PIK3CB: variants seen among roughly 807,000 people sequenced by gnomAD.
PIK3CB encodes phosphatidylinositol-4,5-bisphosphate 3-kinase catalytic subunit beta, also known as phosphatidylinositol 4,5-bisphosphate 3-kinase catalytic subunit beta isoform.
In PIK3CB, 39 loss-of-function variants were observed where a neutral mutation model predicts 136.8. That is an observed-to-expected ratio of 0.29 (90% CI 0.22 to 0.37). PIK3CB has a LOEUF of 0.37. Among genes scored for constraint, PIK3CB ranks in the 10% least tolerant of loss-of-function variants. The pLI, the probability that PIK3CB is intolerant of heterozygous loss-of-function variation, is 1.00. For missense variants in PIK3CB, 868 were observed against 1,275.4 expected (o/e 0.68, Z 4.87); for synonymous variants, 428 against 436.6 (o/e 0.98, Z 0.25).
chr3:138,724,436 T>C (rs1016122800), intron 8 of PIK3CB, among the ~76,000 whole-genome samples: 1 of 152,098 alleles, frequency 6.6e-6, no homozygotes, highest in African/African-American at 2.4e-5. Context: ...CAAATCCCAT[T>C]ATTTAGGGTT....
At chr3:138,663,791 C>A (rs2043350714) in intron 21 of PIK3CB, 115 bp downstream of exon 21, 2 of 1,016,464 alleles carry the variant, frequency 2.0e-6, no homozygotes, top group East Asian at 4.9e-5. Flanking sequence ...GAAGTAAAGA[C>A]AAAGATATGA....
intron 19 of PIK3CB, among the ~76,000 whole-genome samples, chr3:138,667,728 A>AT (rs958509248): frequency 7.2e-4 from 103 of 143,822 alleles, no homozygotes; most frequent in Admixed American, 1.0e-3. Context: ...TGTCTGGCTA[A>AT]TTTTTTTTTT....
intron 1 of PIK3CB, among the ~76,000 whole-genome samples, chr3:138,802,336 C>T (rs1372019399): frequency 1.3e-5 from 2 of 149,166 alleles, no homozygotes; most frequent in Non-Finnish European, 3.0e-5. Flanking sequence ...GCCGAGATCG[C>T]GCCATTGCAC....
At chr3:138,753,391 G>A (rs768826105) in intron 4 of PIK3CB, among the ~76,000 whole-genome samples, 5 of 151,504 alleles carry the variant, frequency 3.3e-5, no homozygotes, top group Non-Finnish European at 5.9e-5. Flanking sequence ...CATGGTGGCA[G>A]GTGCCTGTAA....
In PIK3CB at chr3:138,668,199, T is replaced by C. The variant is rs185785778; in HGVS notation, c.2505-2996A>G. On this transcript the variant is annotated intron_variant, in intron 19 of 23. Coordinates refer to ENST00000674063, the MANE Select transcript of PIK3CB (RefSeq NM_006219.3). ...CATTAATGTTTTTAATGAGACCCCT[T>C]ATTCTTATCATGACATAACACATGT... 4.6e-5 allele frequency among the ~76,000 whole-genome samples: 7 copies of C among 152,286 alleles called. No individual in the cohort carries two copies. The East Asian group carries it at 1.4e-3, about 29-fold the overall frequency.
chr3:138,745,284 T>G (rs2045330572), intron 4 of PIK3CB, among the ~76,000 whole-genome samples: 1 of 152,150 alleles, frequency 6.6e-6, no homozygotes, highest in South Asian at 2.1e-4. Flanking sequence ...CTCAGGGGGT[T>G]CTGGGTGGCC....
intron 2 of PIK3CB, among the ~76,000 whole-genome samples, chr3:138,789,204 G>C (rs1178804859): frequency 6.6e-6 from 1 of 152,112 alleles, no homozygotes; most frequent in African/African-American, 2.4e-5. Context: ...AGTGCCTACT[G>C]TTTCTGGTCC....
At chr3:138,712,769 G>C (rs972909647) in intron 9 of PIK3CB, among the ~76,000 whole-genome samples, 1 of 152,036 alleles carries the variant, frequency 6.6e-6, no homozygotes, top group South Asian at 2.1e-4. Flanking sequence ...GTTTTGCCGT[G>C]TAGGACAGGC....
chr3:138,756,303 G>A (rs139072977), intron 3 of PIK3CB, among the ~76,000 whole-genome samples: 1 of 152,202 alleles, frequency 6.6e-6, no homozygotes, highest in African/African-American at 2.4e-5. Context: ...TAATGGCATA[G>A]TGCACAAAAA....
chr3:138,792,989 A>T (rs1025068255), intron 2 of PIK3CB, among the ~76,000 whole-genome samples: 1 of 152,074 alleles, frequency 6.6e-6, no homozygotes, highest in Non-Finnish European at 1.5e-5. Flanking sequence ...GTAGGGATTG[A>T]GGTTATCTAT....
intron 23 of PIK3CB, 150 bp downstream of exon 23, chr3:138,655,992 G>A (rs899115469): frequency 5.3e-6 from 4 of 754,314 alleles, no homozygotes; most frequent in South Asian, 1.9e-5. Flanking sequence ...CCTCCTTTAT[G>A]TACTTCCCAG....
intron 2 of PIK3CB, among the ~76,000 whole-genome samples, chr3:138,769,560 C>T (rs184095141): frequency 1.3e-5 from 2 of 152,288 alleles, no homozygotes; most frequent in East Asian, 3.9e-4. Context: ...ATGCACAACC[C>T]TTTAAGAAAA....
chr3:138,720,127 C>T (rs1469976539), intron 8 of PIK3CB, among the ~76,000 whole-genome samples: 1 of 152,142 alleles, frequency 6.6e-6, no homozygotes, highest in Admixed American at 6.5e-5. Flanking sequence ...GTCCGCATGC[C>T]TGAGGCAAAC....
At chr3:138,728,876 T>C (rs2044903606) in intron 8 of PIK3CB, among the ~76,000 whole-genome samples, 1 of 152,116 alleles carries the variant, frequency 6.6e-6, no homozygotes, top group Non-Finnish European at 1.5e-5. Context: ...ATAAAAATTT[T>C]CAGCAAACTA....
chr3:138,742,829 A>G (rs1232920419), intron 4 of PIK3CB, 48 bp from the exon 5 acceptor site: 1 of 1,020,586 alleles, frequency 9.8e-7, no homozygotes, highest in Non-Finnish European at 1.5e-6. Flanking sequence ...AACAATAATA[A>G]AAGAATATAG....
At chr3:138,827,765 G>A (rs1018833888) in intron 1 of PIK3CB, among the ~76,000 whole-genome samples, 16 of 151,410 alleles carry the variant, frequency 1.1e-4, no homozygotes, top group African/African-American at 3.6e-4. Context: ...GGATCACAAG[G>A]TCAGGAAATC....
intron 1 of PIK3CB, among the ~76,000 whole-genome samples, chr3:138,813,283 G>A (rs542395717): frequency 1.4e-4 from 22 of 152,182 alleles, no homozygotes; most frequent in Non-Finnish European, 1.8e-4. Context: ...TTCACCCAGA[G>A]AGTTAAGACA....
At chr3:138,755,322 C>T (rs1196524057) in intron 4 of PIK3CB, among the ~76,000 whole-genome samples, 1 of 152,050 alleles carries the variant, frequency 6.6e-6, no homozygotes, top group Non-Finnish European at 1.5e-5. Context: ...CTTTCCAATC[C>T]ATCAAAGATC....
At chr3:138,774,003 A>G (rs565728506) in intron 2 of PIK3CB, among the ~76,000 whole-genome samples, 3 of 152,356 alleles carry the variant, frequency 2.0e-5, no homozygotes, top group South Asian at 2.1e-4. Context: ...CCAAAGACCA[A>G]TATCTACTAC....
Sources: allele counts gnomAD v4.1 joint callset (sites outside exome capture counted in the v4.1 genomes callset), GRCh38; gene constraint gnomAD v4.1.1; transcripts MANE v1.5; gene names NCBI Gene and HGNC (gene_info 2026-07-23, HGNC 2026-07-21).